The following PPP2R3B variants were observed in gnomAD, a reference collection of about 807,000 sequenced individuals.
PPP2R3B encodes serine/threonine-protein phosphatase 2A regulatory subunit B'' subunit beta.
Under a neutral mutation model 72.9 loss-of-function variants are expected in PPP2R3B, and 68 were observed. The ratio of observed to expected loss-of-function variants is 0.93; its 90% CI spans 0.77 to 1.14. The LOEUF (loss-of-function observed/expected upper bound fraction) is 1.14, where lower values mean the gene tolerates loss of function less well. PPP2R3B is among the 50% of genes most tolerant of loss of function. PPP2R3B has a pLI of 0.00. For missense variants in PPP2R3B, 1,018 were observed against 842.0 expected (o/e 1.21, Z -2.59); for synonymous variants, 466 against 375.8 (o/e 1.24, Z -2.78).
At chrX:362,562 C>T (rs947283734) in intron 1 of PPP2R3B, among the ~76,000 whole-genome samples, 17 of 151,182 alleles carry the variant, frequency 1.1e-4, no homozygotes, top group South Asian at 4.3e-4. Context: ...TCCTCCTTGA[C>T]CAACTACCTA....
chrX:362,936 AG>A (rs1360932452), intron 1 of PPP2R3B, among the ~76,000 whole-genome samples: 4 of 151,930 alleles, frequency 2.6e-5, no homozygotes, highest in African/African-American at 4.8e-5. Flanking sequence ...CTACTCCCAC[AG>A]GACCCTCACC....
intron 2 of PPP2R3B, chrX:359,981 A>G (rs1366819146): frequency 5.5e-6 from 2 of 362,738 alleles, no homozygotes; most frequent in Non-Finnish European, 1.1e-5. Flanking sequence ...TAAAAACACA[A>G]TCCCTAATAG....
At chrX:374,488 G>A (rs1040531513) in intron 1 of PPP2R3B, among the ~76,000 whole-genome samples, 6 of 152,238 alleles carry the variant, frequency 3.9e-5, no homozygotes, top group African/African-American at 1.4e-4. Flanking sequence ...AACTGCGCTT[G>A]TTTGCAATCG....
chrX:336,170 A>G (rs1603024177), intron 12 of PPP2R3B: 2 of 152,284 alleles, frequency 1.3e-5, no homozygotes, highest in Middle Eastern at 6.8e-3. Context: ...CCTGTCTCCA[A>G]AAAAATAATA....
At chrX:368,213 C>G (rs2071767741) in intron 1 of PPP2R3B, among the ~76,000 whole-genome samples, 1 of 147,240 alleles carries the variant, frequency 6.8e-6, no homozygotes, top group Non-Finnish European at 1.5e-5. Flanking sequence ...GATCACCCAC[C>G]CCGGGCACTG....
At position 350,350 on chromosome X, in the gene PPP2R3B, A is replaced by G. The variant is rs148151436; in HGVS notation, c.511-2657T>C. Among the ~76,000 whole-genome samples the G allele has an allele frequency of 2.0e-5, 3 of 152,346 alleles. 1 individual carries two copies. The highest frequency in any genetic ancestry group is 4.4e-5 in the Non-Finnish European group (3 of 68,038). The stretch of plus-strand genomic sequence containing the variant: ...GCGGCCAAGGTTTCTTTCACGGGCC[A>G]CACGTGCGCTCCCTGAAGGAAGGGA... On this transcript the variant is annotated intron_variant, in intron 2 of 12. Coordinates refer to ENST00000390665, the MANE Select transcript of PPP2R3B (RefSeq NM_013239.5).
At chrX:337,833 G>GGGACAGTC (rs1294648412) in intron 12 of PPP2R3B, 1 of 152,710 alleles carries the variant, frequency 6.5e-6, no homozygotes, top group African/African-American at 2.4e-5. Context: ...AGCTGATGCT[G>GGGACAGTC]GGACAGTCGG....
chrX:375,205 C>G (rs1443301032), intron 1 of PPP2R3B, among the ~76,000 whole-genome samples: 1 of 152,236 alleles, frequency 6.6e-6, no homozygotes, highest in East Asian at 1.9e-4. Context: ...AGAAGTCGGC[C>G]TCTGACCCCC....
At chrX:340,492 C>A (rs1334206614) in intron 10 of PPP2R3B, among the ~76,000 whole-genome samples, 2 of 135,076 alleles carry the variant, frequency 1.5e-5, no homozygotes, top group Non-Finnish European at 3.2e-5. Flanking sequence ...GTCCCCCCTC[C>A]CGTCCGTCCC....
intron 1 of PPP2R3B, among the ~76,000 whole-genome samples, chrX:384,573 C>T (rs959992512): frequency 2.0e-5 from 3 of 152,012 alleles, no homozygotes; most frequent in Admixed American, 2.0e-4. Flanking sequence ...GAATCACAGG[C>T]GTGAGTCACC....
chrX:338,975 G>C, intron 10 of PPP2R3B, 79 bp from the exon 11 acceptor site: 2 of 1,175,914 alleles, frequency 1.7e-6, no homozygotes, highest in Middle Eastern at 2.6e-4. Flanking sequence ...CGCGCGTCCT[G>C]TCACACGTGC....
chrX:374,412 C>T (rs1055111297), intron 1 of PPP2R3B, among the ~76,000 whole-genome samples: 10 of 152,260 alleles, frequency 6.6e-5, no homozygotes, highest in Admixed American at 3.3e-4. Context: ...TCAGGAGTTT[C>T]TAGAATACAG....
intron 2 of PPP2R3B, among the ~76,000 whole-genome samples, chrX:350,968 CTG>C (rs2071318315): frequency 6.6e-6 from 1 of 152,168 alleles, no homozygotes. Context: ...GAGGAATAAA[CTG>C]TGGCAGAGTC....
At position 347,681 on chromosome X, in the gene PPP2R3B, G is replaced by A. The variant is rs762457606; in HGVS notation, c.523C>T (p.Pro175Ser). 2.6e-6 allele frequency: 4 copies of A among 1,540,126 alleles called. No individual in the cohort carries two copies. Among genetic ancestry groups the A allele is most frequent in the South Asian group, 1.2e-5 (1 of 83,122 alleles). ...MGLVAKACGCPLYWKGPLFYG... is the reference protein window; with the variant it reads ...MGLVAKACGCSLYWKGPLFYG... The stretch of plus-strand genomic sequence containing the variant: ...AAGAGCGGCCCCTTCCAGTAGAGGG[G>A]GCAGCCGCAGGCCTGGGGCAGAGAG... Residue 175 changes from proline (P) to serine (S), a missense_variant, in exon 3 of 13, where the codon CCC (proline) becomes TCC (serine). By Grantham distance (74) the Pro-to-Ser change is moderately conservative. Coordinates refer to ENST00000390665, the MANE Select transcript of PPP2R3B (RefSeq NM_013239.5).
chrX:367,009 CAGAGT>C (rs1164326824), intron 1 of PPP2R3B, among the ~76,000 whole-genome samples: 1 of 150,060 alleles, frequency 6.7e-6, no homozygotes, highest in African/African-American at 2.5e-5. Context: ...GCCTGGGTGA[CAGAGT>C]GAGACTCTGT....
chrX:347,431 G>C, intron 3 of PPP2R3B, 95 bp from the exon 4 acceptor site: 1 of 1,367,244 alleles, frequency 7.3e-7, no homozygotes, highest in South Asian at 1.2e-5. Context: ...GTTCCACGTG[G>C]TGCGTGGCAG....
chrX:341,754 T>C (rs1403611393), intron 8 of PPP2R3B, 129 bp downstream of exon 8: 1 of 1,018,692 alleles, frequency 9.8e-7, no homozygotes, highest in Non-Finnish European at 1.6e-6. Flanking sequence ...CGTGCCCCCC[T>C]CGCCAGGGCC....
Position 346,194 on chromosome X carries a change from G to A in PPP2R3B, c.859C>T (p.Arg287Trp). Residue 287 changes from arginine (R) to tryptophan (W), a missense_variant, in exon 6 of 13, where the codon CGG becomes TGG. Coordinates refer to ENST00000390665, the MANE Select transcript of PPP2R3B (RefSeq NM_013239.5). ...CGCACCTGCAGGAAGGAGCTCCTCCGCAGCTCGGCGCAGGTGATCCTGCCG... is the reference window on the plus strand; with the variant it reads ...CGCACCTGCAGGAAGGAGCTCCTCCACAGCTCGGCGCAGGTGATCCTGCCG... ...WSGRITCAELRRSSFLQNVAL... is the reference protein window; with the variant it reads ...WSGRITCAELWRSSFLQNVAL... 1 of 1,563,856 alleles carries A rather than the reference G, an allele frequency of 6.4e-7. No homozygotes were observed. The highest frequency in any genetic ancestry group is 8.6e-7 in the Non-Finnish European group (1 of 1,156,574).
Position 345,499 on chromosome X carries a change from C to T in PPP2R3B, c.1036+17G>A. ...TCGGTGTCCGCGCGGCCCGCCCGCC[C>T]CTGTGCCCCCACGCACCGTGGTCAT... On this transcript the variant is annotated intron_variant, in intron 7 of 12. Transcript: ENST00000390665. 1 of 1,612,340 alleles carries T rather than the reference C, an allele frequency of 6.2e-7. No individual in the cohort carries two copies. The highest frequency in any genetic ancestry group is 8.5e-7 in the Non-Finnish European group (1 of 1,179,398).
Sources: gnomAD v4.1 joint callset for allele counts (sites outside exome capture counted in the v4.1 genomes callset) on GRCh38, gnomAD v4.1.1 for gene constraint, MANE v1.5 for transcripts, NCBI Gene and HGNC (gene_info 2026-07-23, HGNC 2026-07-21) for gene names.